FSTL1: variants seen among roughly 807,000 people sequenced by gnomAD.
The protein encoded by FSTL1 is follistatin-related protein 1.
In FSTL1, 24 loss-of-function variants were observed where a neutral mutation model predicts 45.9. The ratio of observed to expected loss-of-function variants is 0.52; its 90% CI spans 0.38 to 0.74. The LOEUF (loss-of-function observed/expected upper bound fraction) is 0.74, where lower values mean the gene tolerates loss of function less well. Among genes scored for constraint, FSTL1 ranks in the 30% least tolerant of loss-of-function variants. The pLI is 0.00. For synonymous variants in FSTL1, 120 were observed against 137.6 expected (o/e 0.87, Z 0.89); for missense variants, 340 against 381.8 (o/e 0.89, Z 0.91).
At chr3:120,437,228 T>C (rs962162345) in intron 2 of FSTL1, among the ~76,000 whole-genome samples, 7 of 152,106 alleles carry the variant, frequency 4.6e-5, no homozygotes, top group African/African-American at 1.4e-4. Context: ...TAAAAATACA[T>C]GTAATTAGCC....
chr3:120,418,761 G>C (rs1937230411), intron 2 of FSTL1, among the ~76,000 whole-genome samples: 1 of 152,166 alleles, frequency 6.6e-6, no homozygotes, highest in Non-Finnish European at 1.5e-5. Flanking sequence ...TGAAAACTGG[G>C]AGTACTGATT....
intron 2 of FSTL1, among the ~76,000 whole-genome samples, chr3:120,446,676 G>C (rs560687716): frequency 1.3e-5 from 2 of 152,194 alleles, no homozygotes; most frequent in Non-Finnish European, 2.9e-5. Flanking sequence ...TAGATGCAAG[G>C]CTTACTTGAG....
chr3:120,438,132 GC>G (rs1375785600), intron 2 of FSTL1: 1 of 152,204 alleles, frequency 6.6e-6, no homozygotes, highest in African/African-American at 2.4e-5. Context: ...TAAGCCATTT[GC>G]AATACTGCAT....
chr3:120,439,182 A>T (rs1419057399), intron 2 of FSTL1, among the ~76,000 whole-genome samples: 1 of 152,174 alleles, frequency 6.6e-6, no homozygotes, highest in Non-Finnish European at 1.5e-5. Flanking sequence ...AGCTAATGCA[A>T]ACACATGACA....
At chr3:120,398,992 A>T (rs1278486099) in intron 10 of FSTL1, among the ~76,000 whole-genome samples, 1 of 152,236 alleles carries the variant, frequency 6.6e-6, no homozygotes, top group East Asian at 1.9e-4. Flanking sequence ...CAAAATGCAC[A>T]TTAAGAATGA....
At chr3:120,442,154 C>T (rs1937635935) in intron 2 of FSTL1, among the ~76,000 whole-genome samples, 1 of 152,172 alleles carries the variant, frequency 6.6e-6, no homozygotes, top group African/African-American at 2.4e-5. Flanking sequence ...TTGGTGTTGA[C>T]TATACACCAT....
At position 120,450,711 on chromosome 3, in the gene FSTL1, C is replaced by CACCGCG. The variant is rs1553705459; in HGVS notation, c.35_36insCGCGGT (p.Leu12_Val13insAlaVal). 14 of 1,566,106 alleles carry CACCGCG rather than the reference C, an allele frequency of 8.9e-6. No homozygotes were observed. Among genetic ancestry groups the CACCGCG allele is most frequent in the Non-Finnish European group, 1.2e-5 (14 of 1,162,230 alleles). ...CGGCGCGGACCCAGGCGACCGCCAC[C>CACCGCG]AGCGCGAGCGCGAGCGCGAGCCAGC... On this transcript the variant is annotated inframe_insertion, in exon 2 of 11. Coordinates refer to ENST00000295633, the MANE Select transcript of FSTL1 (RefSeq NM_007085.5).
At chr3:120,407,001 A>C (rs932097395) in intron 6 of FSTL1, among the ~76,000 whole-genome samples, 169 of 152,348 alleles carry the variant, frequency 1.1e-3, no homozygotes, top group African/African-American at 3.9e-3. Flanking sequence ...AATAGTTTAA[A>C]TCATTTTGTG....
chr3:120,433,459 T>C (rs974677075), intron 2 of FSTL1, among the ~76,000 whole-genome samples: 10 of 152,200 alleles, frequency 6.6e-5, no homozygotes, highest in Non-Finnish European at 1.3e-4. Flanking sequence ...ATGAGACATT[T>C]GGCCTTATTA....
rs1455489148 is a variant in FSTL1 at position 120,392,391 on chromosome 3, C to A, written c.*4561G>T. 1 of 152,064 alleles carries A rather than the reference C, an allele frequency of 6.6e-6. No homozygotes were observed. The highest frequency in any genetic ancestry group is 6.5e-5 in the Admixed American group (1 of 15,270). The allele number at this position is 152,064 out of a possible 1,614,324, so 9.4% of individuals were successfully genotyped here. A position where few individuals can be genotyped will look rare whatever the true frequency, so the allele number is the denominator to read the frequency against. On this transcript the variant is annotated 3_prime_UTR_variant, in exon 11 of 11. Transcript: ENST00000295633. The stretch of plus-strand genomic sequence containing the variant: ...TTCCTCTATCAGAGGCCAAAAAGTT[C>A]GAAGGCACAATGTTTGCAAGAATGT...
intron 6 of FSTL1, among the ~76,000 whole-genome samples, chr3:120,405,693 T>A (rs1406320813): frequency 6.6e-6 from 1 of 152,212 alleles, no homozygotes; most frequent in Non-Finnish European, 1.5e-5. Flanking sequence ...ATGACCCAGC[T>A]GGCATCCCAC....
chr3:120,393,283 C>T lies in FSTL1; in HGVS notation c.*3669G>A, dbSNP rs1296233686. On this transcript the variant is annotated 3_prime_UTR_variant, in exon 11 of 11. Coordinates refer to ENST00000295633, the MANE Select transcript of FSTL1 (RefSeq NM_007085.5). ...TAATTTTAGGAAAGCAAAACTTCCA[C>T]ATGACTGAACCGAAGAAACCTTAAA... 6.6e-6 allele frequency: 1 copy of T among 152,196 alleles called. No homozygotes were observed. 9.4% of individuals were successfully genotyped at this position (152,196 alleles called of 1,614,324 possible). A position where few individuals can be genotyped will look rare whatever the true frequency, so the allele number is the denominator to read the frequency against.
intron 10 of FSTL1, among the ~76,000 whole-genome samples, chr3:120,399,486 G>C (rs984233101): frequency 2.0e-5 from 3 of 152,082 alleles, no homozygotes; most frequent in African/African-American, 7.2e-5. Context: ...AGACTGCAAG[G>C]GTACAATGAT....
rs117557403 is a variant in FSTL1 at position 120,397,655 on chromosome 3, G to A, written c.883-659C>T. ...TGTGAAGAAATTGGAACTCTATGGT[G>A]AAGATGTACAGTGGTGCAGTAGCTT... On this transcript the variant is annotated intron_variant, in intron 10 of 10. Coordinates refer to ENST00000295633, the MANE Select transcript of FSTL1 (RefSeq NM_007085.5). 9.2e-4 allele frequency among the ~76,000 whole-genome samples: 140 copies of A among 152,326 alleles called. 2 individuals carry two copies. The East Asian group carries it at 0.023, about 25-fold the overall frequency.
At chr3:120,400,594 G>C (rs1461832364) in intron 9 of FSTL1, among the ~76,000 whole-genome samples, 6 of 152,216 alleles carry the variant, frequency 3.9e-5, no homozygotes, top group African/African-American at 1.4e-4. Flanking sequence ...TTATCAAGTA[G>C]AATGCTGACC....
intron 7 of FSTL1, 77 bp downstream of exon 7, chr3:120,404,776 G>A (rs1439793842): frequency 1.3e-6 from 1 of 794,226 alleles, no homozygotes; most frequent in Non-Finnish European, 2.3e-6. Context: ...TCTTTTGCAG[G>A]TGGGAAAGGG....
chr3:120,428,750 GCAACAACAA>G (rs71156800), intron 2 of FSTL1, among the ~76,000 whole-genome samples: 3 of 150,932 alleles, frequency 2.0e-5, no homozygotes, highest in East Asian at 2.0e-4. Flanking sequence ...AAAACAAACA[GCAACAACAA>G]CAACAACAAC....
At chr3:120,412,838 GCACACACACACACACACACA>G (rs71156798) in intron 3 of FSTL1, among the ~76,000 whole-genome samples, 1 of 106,132 alleles carries the variant, frequency 9.4e-6, no homozygotes, top group Non-Finnish European at 2.1e-5. Context: ...GCGCGCGCGC[GCACACACACACACACACACA>G]CACACACACA....
intron 2 of FSTL1, 41 bp downstream of exon 2, chr3:120,450,643 G>A: frequency 1.4e-6 from 2 of 1,419,830 alleles, no homozygotes; most frequent in East Asian, 2.8e-5. Flanking sequence ...GACCCAAGAG[G>A]CCCCGGGGAC....
Sources: allele counts gnomAD v4.1 joint callset (sites outside exome capture counted in the v4.1 genomes callset), GRCh38; gene constraint gnomAD v4.1.1; transcripts MANE v1.5; gene names NCBI Gene and HGNC (gene_info 2026-07-23, HGNC 2026-07-21).